SLC11A2: variants seen among roughly 807,000 people sequenced by gnomAD.
The protein encoded by SLC11A2 is natural resistance-associated macrophage protein 2.
In SLC11A2, 38 loss-of-function variants were observed where a neutral mutation model predicts 68.0. The ratio of observed to expected loss-of-function variants is 0.56; its 90% CI spans 0.43 to 0.73. SLC11A2 has a LOEUF of 0.73. SLC11A2 is among the 30% of genes least tolerant of loss of function. The probability of loss-of-function intolerance (pLI) is 0.00; values close to 1 mark genes in which losing one functional copy is unlikely to be tolerated. For missense variants in SLC11A2, 517 were observed against 690.5 expected (o/e 0.75, Z 2.82); for synonymous variants, 242 against 250.6 (o/e 0.97, Z 0.32).
rs1940573586 is a variant in SLC11A2, at chr12:50,986,536, G to T, written c.*1789C>A. ...CTGACTGGACCCACCCAGACCCAGG[G>T]CAAAGATACATGTTACCATATCATC... On this transcript the variant is annotated 3_prime_UTR_variant, in exon 16 of 16. Coordinates refer to ENST00000262052, the MANE Select transcript of SLC11A2 (RefSeq NM_000617.3). 7.8e-7 allele frequency: 1 copy of T among 1,282,492 alleles called. No homozygotes were observed. Among genetic ancestry groups the T allele is most frequent in the Admixed American group, 2.3e-5 (1 of 43,488 alleles). The allele number at this position is 1,282,492 out of a possible 1,614,324, so 79.4% of individuals were successfully genotyped here. A position where few individuals can be genotyped will look rare whatever the true frequency, so the allele number is the denominator to read the frequency against.
At chr12:51,022,313 T>C (rs1944097707) in intron 1 of SLC11A2, among the ~76,000 whole-genome samples, 1 of 151,422 alleles carries the variant, frequency 6.6e-6, no homozygotes, top group Non-Finnish European at 1.5e-5. Context: ...CTCACATCTG[T>C]AATCCCTTAG....
intron 15 of SLC11A2, 119 bp from the exon 16 acceptor site, chr12:50,988,554 C>A: frequency 6.6e-7 from 1 of 1,504,746 alleles, no homozygotes; most frequent in East Asian, 2.4e-5. Flanking sequence ...TGCCCATCTT[C>A]TACCACCAAG....
intron 15 of SLC11A2, among the ~76,000 whole-genome samples, chr12:50,989,889 AT>A (rs1473544974): frequency 1.3e-5 from 2 of 152,156 alleles, no homozygotes; most frequent in Non-Finnish European, 2.9e-5. Context: ...AATGGTATAA[AT>A]TCTACTATTC....
At chr12:51,006,301 AAAAC>A (rs140582579) in intron 3 of SLC11A2, 143,811 of 158,344 alleles carry the variant, frequency 0.91, 65,676 homozygotes, top group East Asian at 0.98. Context: ...CTCCGTCTCA[AAAAC>A]AAACAAACAA....
chr12:50,953,914 A>G, the SLC11A2 span: 1 of 738,956 alleles, frequency 1.4e-6, no homozygotes, highest in Admixed American at 2.3e-5. Context: ...ACACATAATC[A>G]AGAGTATGAT....
chr12:50,990,604 C>A (rs969657254), intron 15 of SLC11A2, 191 bp downstream of exon 15: 1 of 601,116 alleles, frequency 1.7e-6, no homozygotes, highest in Non-Finnish European at 2.9e-6. Context: ...GAGATGGAGT[C>A]TTACTATGTT....
intron 2 of SLC11A2, 51 bp from the exon 3 acceptor site, chr12:51,008,675 T>G: frequency 2.1e-6 from 3 of 1,409,510 alleles, no homozygotes; most frequent in Non-Finnish European, 3.0e-6. Context: ...CAAAATACAC[T>G]AACAATTCAT....
At position 51,019,214 on chromosome 12, in the gene SLC11A2, G is replaced by C. The variant is rs114338806; in HGVS notation, c.-39+7096C>G. On this transcript the variant is annotated intron_variant, in intron 1 of 15. Transcript: ENST00000262052. ...CTAGGTGCACAGATCAAGGCTTAGC[G>C]ACACCCAAAGTGTTTATTAGAGAAT... 7.0e-3 allele frequency among the ~76,000 whole-genome samples: 1,073 copies of C among 152,250 alleles called. 20 individuals carry two copies. Among genetic ancestry groups the C allele is most frequent in the African/African-American group, 0.024 (1,001 of 41,550 alleles).
At chr12:50,983,341 G>C (rs1233875653), downstream of SLC11A2, among the ~76,000 whole-genome samples, 2 of 152,026 alleles carry the variant, frequency 1.3e-5, no homozygotes, top group African/African-American at 4.8e-5. Flanking sequence ...TTATCCTTTG[G>C]CACCAACAGC....
Position 51,008,521 on chromosome 12 carries a change from G to A in SLC11A2, c.138C>T (p.Tyr46=), listed in dbSNP as rs1268140867. Residue 46 remains tyrosine, a synonymous_variant, in exon 3 of 16, where the codon TAC becomes TAT. Coordinates refer to ENST00000262052, the MANE Select transcript of SLC11A2 (RefSeq NM_000617.3). ...LSQSPGDSEE[Y]FATYFNEKIS... Reference sequence around the variant, plus strand: ...TCTTCTCATTAAAGTAAGTGGCGAAGTACTCCTCTGAGTCCCCAGGGGACT... The same window carrying A: ...TCTTCTCATTAAAGTAAGTGGCGAAATACTCCTCTGAGTCCCCAGGGGACT... 2.5e-5 allele frequency: 40 copies of A among 1,613,162 alleles called. No homozygotes were observed. Among genetic ancestry groups the A allele is most frequent in the Non-Finnish European group, 3.2e-5 (38 of 1,179,250 alleles).
At chr12:50,968,100 A>AG in the SLC11A2 span, among the ~76,000 whole-genome samples, 11 of 148,174 alleles carry the variant, frequency 7.4e-5, no homozygotes, top group Non-Finnish European at 1.4e-4. Flanking sequence ...AATAAGAAGA[A>AG]GAAGGAGGAG....
intron 2 of SLC11A2, among the ~76,000 whole-genome samples, chr12:51,010,183 C>T (rs1315772759): frequency 2.1e-5 from 3 of 142,828 alleles, no homozygotes; most frequent in East Asian, 2.1e-4. Flanking sequence ...AGCAAAACTC[C>T]GCCTCAAAAA....
chr12:50,964,003 C>T, the SLC11A2 span, among the ~76,000 whole-genome samples: 1 of 152,218 alleles, frequency 6.6e-6, no homozygotes, highest in Non-Finnish European at 1.5e-5. Context: ...AGAATCCCTT[C>T]ATACGTCTTT....
chr12:50,992,785 C>CTAT (rs1941303919), intron 12 of SLC11A2, 25 bp downstream of exon 12: 2 of 1,610,884 alleles, frequency 1.2e-6, no homozygotes, highest in Non-Finnish European at 1.7e-6. Context: ...TGTGTTATCT[C>CTAT]CCTCTATCCT....
At chr12:51,011,167 C>T (rs1044498320) in intron 1 of SLC11A2, among the ~76,000 whole-genome samples, 1 of 149,972 alleles carries the variant, frequency 6.7e-6, no homozygotes, top group Admixed American at 6.7e-5. Flanking sequence ...CTTGCTCTGT[C>T]GCCCAGGCTG....
the SLC11A2 span, among the ~76,000 whole-genome samples, chr12:50,966,161 C>T: frequency 6.6e-6 from 1 of 152,200 alleles, no homozygotes; most frequent in East Asian, 1.9e-4. Context: ...ACTTGACCCC[C>T]ACAGCCTCAG....
At chr12:51,013,205 C>A (rs1592418691) in intron 1 of SLC11A2, among the ~76,000 whole-genome samples, 2 of 151,912 alleles carry the variant, frequency 1.3e-5, no homozygotes, top group Non-Finnish European at 2.9e-5. Context: ...ATGCGTCAAT[C>A]AGTTCTGAGA....
At position 50,990,837 on chromosome 12, in the gene SLC11A2, A is replaced by G; in HGVS notation, c.1533T>C (p.Ala511=). The change falls in exon 15 of 16, where the codon GCT becomes GCC. Residue 511 remains alanine (A), a synonymous_variant. Transcript: ENST00000262052. ...CCAGATAAGCCACGCTGACCACAGCAGCCACCACATATAATGCCACATGCC... is the reference window on the plus strand; with the variant it reads ...CCAGATAAGCCACGCTGACCACAGCGGCCACCACATATAATGCCACATGCC... ...DLGHVALYVV[A]AVVSVAYLGF... is the part of the protein sequence containing the mutation. The G allele has an allele frequency of 6.2e-7, 1 of 1,614,172 alleles. No homozygotes were observed. Among genetic ancestry groups the G allele is most frequent in the Non-Finnish European group, 8.5e-7 (1 of 1,180,000 alleles).
downstream of SLC11A2, among the ~76,000 whole-genome samples, chr12:50,982,741 C>G (rs1940151797): frequency 6.6e-6 from 1 of 152,024 alleles, no homozygotes; most frequent in African/African-American, 2.4e-5. Flanking sequence ...GTCAGAAGTT[C>G]AAGACCAGCC....
Sources: allele counts gnomAD v4.1 joint callset (sites outside exome capture counted in the v4.1 genomes callset), GRCh38; gene constraint gnomAD v4.1.1; transcripts MANE v1.5; gene names NCBI Gene and HGNC (gene_info 2026-07-23, HGNC 2026-07-21).